The following ABCB7 variants were observed in gnomAD, a reference collection of about 807,000 sequenced individuals.
ABCB7 encodes the protein iron-sulfur clusters transporter ABCB7, mitochondrial.
A neutral mutation model predicts 54.4 loss-of-function variants in ABCB7; 7 were observed. The ratio of observed to expected loss-of-function variants is 0.13; its 90% CI spans 0.07 to 0.24. The LOEUF is 0.24. ABCB7 is among the 10% of genes least tolerant of loss of function. The pLI is 1.00. For synonymous variants in ABCB7, 218 were observed against 207.1 expected (o/e 1.05, Z -0.45); for missense variants, 356 against 570.4 (o/e 0.62, Z 3.83).
At chrX:75,119,703 AAT>A (rs1273545830) in intron 1 of ABCB7, among the ~76,000 whole-genome samples, 2 of 111,811 alleles carry the variant, frequency 1.8e-5, no homozygotes, top group East Asian at 2.8e-4. Context: ...TATTTATATA[AAT>A]ATGTTACTGA....
intron 1 of ABCB7, among the ~76,000 whole-genome samples, chrX:75,142,672 CA>C (rs1409154036): frequency 1.8e-5 from 2 of 112,569 alleles, no homozygotes; most frequent in Non-Finnish European, 3.8e-5. Flanking sequence ...TGTTCACCTG[CA>C]AAGTATTTCT....
intron 4 of ABCB7, among the ~76,000 whole-genome samples, chrX:75,098,171 T>C (rs1005243638): frequency 9.1e-6 from 1 of 110,112 alleles, no homozygotes; most frequent in Non-Finnish European, 1.9e-5. Flanking sequence ...TAGCTGGGCA[T>C]GGTGGCGCAC....
intron 4 of ABCB7, among the ~76,000 whole-genome samples, chrX:75,093,892 A>C (rs1320991347): frequency 9.3e-6 from 1 of 107,696 alleles, no homozygotes; most frequent in Non-Finnish European, 1.9e-5. Context: ...AAATGTTTTA[A>C]AGTTACAAAT....
chrX:75,126,179 T>C (rs1472567508), intron 1 of ABCB7, among the ~76,000 whole-genome samples: 1 of 111,521 alleles, frequency 9.0e-6, no homozygotes, highest in Non-Finnish European at 1.9e-5. Context: ...CTTTAAATTA[T>C]CCCACCAAAC....
rs1411843883 is a variant in ABCB7 at position 75,075,431 on chromosome X, A to G, written c.786T>C (p.Phe262=). Reference sequence around the variant, plus strand: ...GATTAAATACCAAAGCACTCAGGACAAAACTGATACCCCTTGTTCCTCTGT... The same window carrying G: ...GATTAAATACCAAAGCACTCAGGACGAAACTGATACCCCTTGTTCCTCTGT... ...AIDRGTRGIS[F]VLSALVFNLL... is the part of the protein sequence containing the mutation. The change falls in exon 6 of 16, where the codon TTT becomes TTC. Residue 262 remains phenylalanine (F), a synonymous_variant. Transcript: ENST00000373394. 1 of 1,211,185 alleles carries G rather than the reference A, an allele frequency of 8.3e-7. No homozygotes were observed. The highest frequency in any genetic ancestry group is 3.0e-5 in the East Asian group (1 of 33,829).
At chrX:75,124,877 A>G (rs2081911550) in intron 1 of ABCB7, among the ~76,000 whole-genome samples, 1 of 111,684 alleles carries the variant, frequency 9.0e-6, no homozygotes, top group Non-Finnish European at 1.9e-5. Context: ...AGAAGTTGAG[A>G]AAGTAGAATT....
intron 4 of ABCB7, among the ~76,000 whole-genome samples, chrX:75,087,062 C>A (rs1760488467): frequency 8.9e-6 from 1 of 111,844 alleles, no homozygotes; most frequent in African/African-American, 3.2e-5. Flanking sequence ...TAACCCACCC[C>A]TTATTTCACA....
chrX:75,143,421 C>T (rs1222855417), intron 1 of ABCB7, among the ~76,000 whole-genome samples: 1 of 111,621 alleles, frequency 9.0e-6, no homozygotes, highest in African/African-American at 3.3e-5. Context: ...CAACAAGTCT[C>T]GAGGGAGTTC....
chrX:75,056,780 G>T (rs1046993733), intron 15 of ABCB7, among the ~76,000 whole-genome samples: 3 of 111,148 alleles, frequency 2.7e-5, no homozygotes, highest in Non-Finnish European at 5.7e-5. Flanking sequence ...TTCTCCAAGA[G>T]ATCTGTTTCC....
chrX:75,054,901 T>G lies in ABCB7; in HGVS notation c.2044-1316A>C, dbSNP rs148465036. Among the ~76,000 whole-genome samples, 349 of 111,311 alleles carry G rather than the reference T, an allele frequency of 3.1e-3. 2 individuals are homozygous for G. The highest frequency in any genetic ancestry group is 0.011 in the African/African-American group (334 of 30,625). On this transcript the variant is annotated intron_variant, in intron 15 of 15. Coordinates refer to ENST00000373394, the MANE Select transcript of ABCB7 (RefSeq NM_001271696.3). ...TTCTAGACACTTTTTTGGTATTACT[T>G]TCTACGGCAAAAACCACAATAACTT...
At chrX:75,141,226 G>A (rs903507459) in intron 1 of ABCB7, among the ~76,000 whole-genome samples, 5 of 111,496 alleles carry the variant, frequency 4.5e-5, no homozygotes, top group Admixed American at 1.9e-4. Flanking sequence ...ACAATAATTG[G>A]GCTCAAACTA....
chrX:75,101,887 C>T (rs376867186), intron 3 of ABCB7, among the ~76,000 whole-genome samples: 89 of 111,905 alleles, frequency 8.0e-4, no homozygotes, highest in Non-Finnish European at 1.3e-3. Flanking sequence ...GTCACCACTT[C>T]ATTTAACAAA....
intron 4 of ABCB7, among the ~76,000 whole-genome samples, chrX:75,088,375 C>A (rs2081516221): frequency 8.9e-6 from 1 of 112,163 alleles, no homozygotes; most frequent in South Asian, 3.6e-4. Context: ...AATTATCAGA[C>A]CAGGAATTTA....
At chrX:75,150,261 T>C (rs948287086) in intron 1 of ABCB7, among the ~76,000 whole-genome samples, 2 of 111,280 alleles carry the variant, frequency 1.8e-5, no homozygotes, top group Non-Finnish European at 3.8e-5. Context: ...GAAGACCAAA[T>C]GACATTAAAT....
intron 13 of ABCB7, among the ~76,000 whole-genome samples, chrX:75,063,819 A>T (rs2081298539): frequency 8.9e-6 from 1 of 112,197 alleles, no homozygotes; most frequent in South Asian, 3.7e-4. Flanking sequence ...GGTTATAAGG[A>T]AATGAGAAAT....
chrX:75,079,207 A>G (rs770625752), intron 4 of ABCB7, among the ~76,000 whole-genome samples: 2 of 112,345 alleles, frequency 1.8e-5, no homozygotes, highest in South Asian at 7.4e-4. Context: ...CAGTTAGCAC[A>G]TGCAAAGAGT....
At chrX:75,150,675 A>G (rs1199056879) in intron 1 of ABCB7, among the ~76,000 whole-genome samples, 1 of 111,625 alleles carries the variant, frequency 9.0e-6, no homozygotes, top group Non-Finnish European at 1.9e-5. Context: ...AATGTAAAGC[A>G]TAAGAATCGT....
At chrX:75,060,980 A>C (rs957088367) in intron 14 of ABCB7, among the ~76,000 whole-genome samples, 1 of 112,022 alleles carries the variant, frequency 8.9e-6, no homozygotes, top group African/African-American at 3.2e-5. Context: ...ACAGCAAGCT[A>C]GATGGAAATA....
chrX:75,095,143 T>C (rs914445000), intron 4 of ABCB7, among the ~76,000 whole-genome samples: 2 of 111,412 alleles, frequency 1.8e-5, no homozygotes, highest in Admixed American at 1.9e-4. Context: ...CCTCCTGTTT[T>C]CTTCTTCTTA....
Sources: allele counts gnomAD v4.1 joint callset (sites outside exome capture counted in the v4.1 genomes callset), GRCh38; gene constraint gnomAD v4.1.1; transcripts MANE v1.5; gene names NCBI Gene and HGNC (gene_info 2026-07-23, HGNC 2026-07-21).